Variants in DCLK2 observed in about 807,000 individuals in gnomAD.
DCLK2 encodes the protein serine/threonine-protein kinase DCLK2.
DCLK2 carries 31 observed loss-of-function variants against 78.4 expected under a neutral mutation model. The observed-to-expected ratio is 0.40, with a 90% CI of 0.30 to 0.53. The LOEUF is 0.53. DCLK2 is among the 20% of genes least tolerant of loss of function. The probability of loss-of-function intolerance (pLI) is 0.61; values close to 1 mark genes in which losing one functional copy is unlikely to be tolerated. For synonymous variants in DCLK2, 407 were observed against 374.9 expected, an observed-to-expected ratio of 1.09 and a Z score of -0.99; for missense variants, 872 against 973.7, an observed-to-expected ratio of 0.90 and a Z score of 1.39.
At chr4:150,184,848 G>A (rs1278077355) in intron 2 of DCLK2, among the ~76,000 whole-genome samples, 4 of 152,120 alleles carry the variant, frequency 2.6e-5, no homozygotes, top group East Asian at 3.9e-4. Flanking sequence ...TGATCCGCCC[G>A]CCTCAGCCTC....
At chr4:150,141,875 C>T (rs1322513848) in intron 2 of DCLK2, among the ~76,000 whole-genome samples, 1 of 152,020 alleles carries the variant, frequency 6.6e-6, no homozygotes, top group Non-Finnish European at 1.5e-5. Context: ...GATTTAATAC[C>T]CTGGAATATG....
intron 2 of DCLK2, among the ~76,000 whole-genome samples, chr4:150,118,875 T>C (rs1307394741): frequency 2.6e-5 from 4 of 151,928 alleles, no homozygotes; most frequent in Non-Finnish European, 1.5e-5. Flanking sequence ...AATACAAAAA[T>C]TAGCTGGGCA....
chr4:150,169,694 C>G (rs1580638353), intron 2 of DCLK2, among the ~76,000 whole-genome samples: 2 of 150,826 alleles, frequency 1.3e-5, no homozygotes, highest in East Asian at 3.9e-4. Context: ...GAGAGCTCTA[C>G]TCTGCAGTGT....
intron 2 of DCLK2, among the ~76,000 whole-genome samples, chr4:150,137,165 G>C (rs927593560): frequency 5.9e-5 from 9 of 151,752 alleles, no homozygotes; most frequent in Non-Finnish European, 8.8e-5. Flanking sequence ...CCTTTAAATG[G>C]TGGCTGCAGC....
At chr4:150,249,447 G>C in intron 14 of DCLK2, 121 bp from the exon 15 acceptor site, 1 of 750,336 alleles carries the variant, frequency 1.3e-6, no homozygotes, top group East Asian at 2.5e-5. Context: ...GTGGCTAAGA[G>C]GGGCCCATTT....
intron 2 of DCLK2, among the ~76,000 whole-genome samples, chr4:150,148,875 A>T (rs1369590449): frequency 2.0e-5 from 3 of 151,984 alleles, no homozygotes; most frequent in Non-Finnish European, 4.4e-5. Context: ...TCTACTAAAA[A>T]TACAAAAATT....
chr4:150,223,566 A>C (rs905174118), intron 7 of DCLK2, among the ~76,000 whole-genome samples: 1 of 152,148 alleles, frequency 6.6e-6, no homozygotes, highest in African/African-American at 2.4e-5. Context: ...CAACATGGTG[A>C]AACCCATCTC....
intron 2 of DCLK2, among the ~76,000 whole-genome samples, chr4:150,143,588 A>T (rs1734253031): frequency 6.6e-6 from 1 of 152,232 alleles, no homozygotes; most frequent in South Asian, 2.1e-4. Flanking sequence ...TGCTGGATCG[A>T]ATAGTAGTAT....
intron 2 of DCLK2, among the ~76,000 whole-genome samples, chr4:150,140,877 C>T (rs1273509151): frequency 1.3e-5 from 2 of 152,158 alleles, no homozygotes; most frequent in Non-Finnish European, 2.9e-5. Context: ...AAAAGTTTTA[C>T]AGAATGTATA....
At chr4:150,228,929 G>A (rs1478904018) in intron 8 of DCLK2, among the ~76,000 whole-genome samples, 1 of 152,034 alleles carries the variant, frequency 6.6e-6, no homozygotes, top group Non-Finnish European at 1.5e-5. Flanking sequence ...GGGAGGCTGA[G>A]GCAGGAGAAT....
rs560247057 is a variant in DCLK2 at position 150,118,956 on chromosome 4, C to T, written c.756+16144C>T. 4.6e-4 allele frequency among the ~76,000 whole-genome samples: 70 copies of T among 152,138 alleles called. No individual in the cohort carries two copies. The East Asian group carries it at 0.012, about 25-fold the overall frequency. On this transcript the variant is annotated intron_variant, in intron 2 of 15. Coordinates refer to ENST00000296550, the MANE Select transcript of DCLK2 (RefSeq NM_001040260.4). ...AGGAGAATCACTTGAACCCAAGAAGCGGAGGTTGCAGTGAGCTGAGATCAC... is the reference window on the plus strand; with the variant it reads ...AGGAGAATCACTTGAACCCAAGAAGTGGAGGTTGCAGTGAGCTGAGATCAC...
chr4:150,241,066 T>A (rs1742894626), intron 12 of DCLK2, among the ~76,000 whole-genome samples: 1 of 152,234 alleles, frequency 6.6e-6, no homozygotes, highest in African/African-American at 2.4e-5. Flanking sequence ...TAGTGGTCTC[T>A]CTCACTCAAT....
chr4:150,134,985 AC>A (rs1733589691), intron 2 of DCLK2, among the ~76,000 whole-genome samples: 1 of 152,174 alleles, frequency 6.6e-6, no homozygotes, highest in Non-Finnish European at 1.5e-5. Flanking sequence ...TTGCTGACTT[AC>A]CTAATCCAAG....
chr4:150,203,188 A>G (rs1393133152), intron 4 of DCLK2, among the ~76,000 whole-genome samples: 1 of 152,190 alleles, frequency 6.6e-6, no homozygotes, highest in East Asian at 1.9e-4. Flanking sequence ...AAGAAAATGG[A>G]AGGAATTAGA....
At chr4:150,088,088 C>A (rs1729770152) in intron 1 of DCLK2, among the ~76,000 whole-genome samples, 1 of 152,160 alleles carries the variant, frequency 6.6e-6, no homozygotes, top group African/African-American at 2.4e-5. Context: ...TTCTCAAAGG[C>A]AGTCATTGAG....
chr4:150,219,226 T>C (rs917600258), intron 5 of DCLK2, among the ~76,000 whole-genome samples: 5 of 151,184 alleles, frequency 3.3e-5, no homozygotes, highest in African/African-American at 9.7e-5. Flanking sequence ...AGGTCTCTTA[T>C]GGCCATTTAC....
chr4:150,091,220 G>A (rs571049197), intron 1 of DCLK2, among the ~76,000 whole-genome samples: 16 of 152,312 alleles, frequency 1.1e-4, no homozygotes, highest in African/African-American at 3.6e-4. Flanking sequence ...CAAACGCTGC[G>A]CTTGATGAAG....
At chr4:150,114,223 TA>T (rs1052916980) in intron 2 of DCLK2, among the ~76,000 whole-genome samples, 1 of 152,188 alleles carries the variant, frequency 6.6e-6, no homozygotes, top group Non-Finnish European at 1.5e-5. Context: ...ATTCTGTAGT[TA>T]TTGAATAGAA....
chr4:150,091,725 C>T (rs1005302494), intron 1 of DCLK2, among the ~76,000 whole-genome samples: 3 of 151,274 alleles, frequency 2.0e-5, no homozygotes, highest in African/African-American at 7.3e-5. Flanking sequence ...AAATTTCCAC[C>T]TACATAAGAT....
Sources: allele counts gnomAD v4.1 joint callset (sites outside exome capture counted in the v4.1 genomes callset), GRCh38; gene constraint gnomAD v4.1.1; transcripts MANE v1.5; gene names NCBI Gene and HGNC (gene_info 2026-07-23, HGNC 2026-07-21).